CDC42SE2: variants seen among roughly 807,000 people sequenced by gnomAD.
The protein encoded by CDC42SE2 is CDC42 small effector protein 2.
A neutral mutation model predicts 11.5 loss-of-function variants in CDC42SE2; 3 were observed. The observed-to-expected ratio is 0.26, with a 90% CI of 0.12 to 0.67. CDC42SE2 has a LOEUF of 0.67. Among genes scored for constraint, CDC42SE2 ranks in the 30% least tolerant of loss-of-function variants. The pLI, the probability that CDC42SE2 is intolerant of heterozygous loss-of-function variation, is 0.80. For synonymous variants in CDC42SE2, 33 were observed against 34.8 expected (o/e 0.95, Z 0.18); for missense variants, 82 against 106.8 (o/e 0.77, Z 1.02).
At chr5:131,339,074 C>T (rs1210995762) in intron 2 of CDC42SE2, among the ~76,000 whole-genome samples, 7 of 151,364 alleles carry the variant, frequency 4.6e-5, no homozygotes, top group African/African-American at 1.2e-4. Context: ...GGTGAAACCC[C>T]GTCTCTACTA....
At chr5:131,390,960 A>T in intron 4 of CDC42SE2, 33 bp from the exon 5 acceptor site, 4 of 1,477,846 alleles carry the variant, frequency 2.7e-6, no homozygotes, top group Non-Finnish European at 3.8e-6. Flanking sequence ...CCTGACTTCC[A>T]TTTTGTTTTG....
At position 131,322,919 on chromosome 5, in the gene CDC42SE2, T is replaced by C. The variant is rs80152450; in HGVS notation, c.-286+6775T>C. ...GGTATCACCAACAGTGCACAAAGAT[T>C]TCCTCTTCACATCCATGTCAGCATT... On this transcript the variant is annotated intron_variant, in intron 2 of 4. Coordinates refer to ENST00000505065, the MANE Select transcript of CDC42SE2 (RefSeq NM_001375635.1). Among the ~76,000 whole-genome samples the C allele has an allele frequency of 4.9e-3, 745 of 152,336 alleles. 4 individuals are homozygous for C. Among genetic ancestry groups the C allele is most frequent in the African/African-American group, 0.016 (683 of 41,566 alleles).
chr5:131,318,781 C>G (rs1222100718), intron 2 of CDC42SE2, among the ~76,000 whole-genome samples: 2 of 152,198 alleles, frequency 1.3e-5, no homozygotes, highest in Non-Finnish European at 2.9e-5. Context: ...ATACATCTTT[C>G]TCAACCCTCA....
intron 4 of CDC42SE2, among the ~76,000 whole-genome samples, chr5:131,388,206 G>A (rs140358567): frequency 3.4e-4 from 51 of 152,194 alleles, no homozygotes; most frequent in African/African-American, 1.2e-3. Context: ...TGTTGGCGAG[G>A]CTGGTCTCAA....
intron 2 of CDC42SE2, among the ~76,000 whole-genome samples, chr5:131,355,254 A>G (rs1749501132): frequency 6.6e-6 from 1 of 152,158 alleles, no homozygotes; most frequent in Non-Finnish European, 1.5e-5. Context: ...GCAGTATTTC[A>G]TTTTATAACT....
At chr5:131,289,534 G>C (rs1372338696) in intron 1 of CDC42SE2, among the ~76,000 whole-genome samples, 1 of 152,114 alleles carries the variant, frequency 6.6e-6, no homozygotes, top group Non-Finnish European at 1.5e-5. Flanking sequence ...TTAGCTGGGC[G>C]TGGTGGCACG....
intron 1 of CDC42SE2, among the ~76,000 whole-genome samples, chr5:131,297,118 C>T (rs1580738107): frequency 6.7e-6 from 1 of 149,862 alleles, no homozygotes; most frequent in Non-Finnish European, 1.5e-5. Flanking sequence ...TTATAAAAGT[C>T]ATAGGAAAAG....
intron 1 of CDC42SE2, among the ~76,000 whole-genome samples, chr5:131,306,517 C>G (rs913493243): frequency 2.6e-5 from 4 of 152,120 alleles, no homozygotes; most frequent in African/African-American, 9.7e-5. Context: ...GATTTTGAAG[C>G]TAGGTAGTGT....
At chr5:131,362,554 C>G (rs980169667) in intron 3 of CDC42SE2, among the ~76,000 whole-genome samples, 7 of 152,172 alleles carry the variant, frequency 4.6e-5, no homozygotes, top group African/African-American at 7.2e-5. Flanking sequence ...CATGCCGACT[C>G]TCCCACTTGT....
At chr5:131,337,607 T>C (rs1192261897) in intron 2 of CDC42SE2, among the ~76,000 whole-genome samples, 1 of 152,258 alleles carries the variant, frequency 6.6e-6, no homozygotes, top group African/African-American at 2.4e-5. Flanking sequence ...TGAGCTGTGG[T>C]GGGCTCCACC....
intron 1 of CDC42SE2, among the ~76,000 whole-genome samples, chr5:131,246,354 G>T (rs1756582148): frequency 6.6e-6 from 1 of 152,170 alleles, no homozygotes; most frequent in African/African-American, 2.4e-5. Context: ...TACTCAGAAG[G>T]CTGAGGCAAG....
At chr5:131,331,853 T>C (rs1445169713) in intron 2 of CDC42SE2, among the ~76,000 whole-genome samples, 1 of 152,224 alleles carries the variant, frequency 6.6e-6, no homozygotes, top group Non-Finnish European at 1.5e-5. Context: ...CAGGCTCTTT[T>C]TTGAGTATGA....
chr5:131,355,809 C>G (rs978953706), intron 2 of CDC42SE2, among the ~76,000 whole-genome samples: 1 of 151,898 alleles, frequency 6.6e-6, no homozygotes, highest in East Asian at 1.9e-4. Flanking sequence ...TATTAAATTG[C>G]GGGTAGGATG....
chr5:131,309,483 C>G lies in CDC42SE2; in HGVS notation c.-454-6493C>G, dbSNP rs571755522. Among the ~76,000 whole-genome samples the G allele has an allele frequency of 3.0e-4, 45 of 151,910 alleles. No individual in the cohort carries two copies. In the South Asian group the frequency reaches 9.2e-3, roughly 31 times the overall value. ...CATAAAATGAGTTAGGGAGGATTCC[C>G]TCTTTTTCTATTGATTGGAATAGTT... On this transcript the variant is annotated intron_variant, in intron 1 of 4. Transcript: ENST00000505065.
intron 1 of CDC42SE2, among the ~76,000 whole-genome samples, chr5:131,247,344 C>A (rs1036460478): frequency 2.0e-5 from 3 of 152,038 alleles, no homozygotes; most frequent in African/African-American, 4.8e-5. Flanking sequence ...AACAGCCGGG[C>A]GAGGTGGCTC....
chr5:131,275,278 A>G (rs930779163), intron 1 of CDC42SE2, among the ~76,000 whole-genome samples: 4 of 151,762 alleles, frequency 2.6e-5, no homozygotes, highest in African/African-American at 9.7e-5. Context: ...TAGACCCTTC[A>G]ATTTGGACTA....
intron 1 of CDC42SE2, among the ~76,000 whole-genome samples, chr5:131,301,393 G>C (rs932998650): frequency 7.9e-5 from 12 of 152,036 alleles, no homozygotes; most frequent in African/African-American, 2.9e-4. Flanking sequence ...CAATTACCCC[G>C]ACCACTATAC....
intron 2 of CDC42SE2, among the ~76,000 whole-genome samples, chr5:131,335,405 A>C (rs1758531761): frequency 6.6e-6 from 1 of 152,068 alleles, no homozygotes; most frequent in Non-Finnish European, 1.5e-5. Context: ...TCAATTTTGG[A>C]ATAGGTGTGG....
intron 2 of CDC42SE2, among the ~76,000 whole-genome samples, chr5:131,345,709 A>G (rs1367044892): frequency 6.6e-6 from 1 of 152,218 alleles, no homozygotes; most frequent in Non-Finnish European, 1.5e-5. Flanking sequence ...AGATTCACCA[A>G]GGTTGAAATG....
Sources: allele counts gnomAD v4.1 joint callset (sites outside exome capture counted in the v4.1 genomes callset), GRCh38; gene constraint gnomAD v4.1.1; transcripts MANE v1.5; gene names NCBI Gene and HGNC (gene_info 2026-07-23, HGNC 2026-07-21).